Variants in DCC observed in about 807,000 individuals in gnomAD.
DCC encodes netrin receptor DCC.
Under a neutral mutation model 172.5 loss-of-function variants are expected in DCC, and 58 were observed. That is an observed-to-expected ratio of 0.34 (90% CI 0.27 to 0.42). The LOEUF (loss-of-function observed/expected upper bound fraction) is 0.42. Ranked by LOEUF, DCC falls within the 10% of genes least tolerant of loss-of-function variation. The pLI, the probability that DCC is intolerant of heterozygous loss-of-function variation, is 1.00. For synonymous variants in DCC, 709 were observed against 644.5 expected (o/e 1.10, Z -1.52); for missense variants, 1,740 against 1,791.0 (o/e 0.97, Z 0.51).
intron 2 of DCC, among the ~76,000 whole-genome samples, chr18:52,799,681 G>A (rs765277535): frequency 3.3e-5 from 5 of 152,026 alleles, no homozygotes; most frequent in Admixed American, 1.3e-4. Context: ...CAAATGGCTC[G>A]GTGTCCAAGT....
chr18:52,794,525 CTGAGT>C (rs2037835690), intron 2 of DCC, among the ~76,000 whole-genome samples: 1 of 151,854 alleles, frequency 6.6e-6, no homozygotes, highest in South Asian at 2.1e-4. Flanking sequence ...TTTATCAGTT[CTGAGT>C]TTTTTGGTGG....
At chr18:53,446,085 G>T (rs1912580112) in intron 22 of DCC, among the ~76,000 whole-genome samples, 1 of 75,744 alleles carries the variant, frequency 1.3e-5, no homozygotes, top group Non-Finnish European at 2.6e-5. Context: ...AACATAAGAA[G>T]ACCCTGTCTC....
chr18:53,309,087 G>C (rs1476947350), intron 13 of DCC, among the ~76,000 whole-genome samples: 1 of 151,982 alleles, frequency 6.6e-6, no homozygotes. Context: ...ACCCAGGCTG[G>C]AGTACCGTGG....
rs537062438 is a variant in DCC, at chr18:53,396,086, C to G, written c.2689-1222C>G. On this transcript the variant is annotated intron_variant, in intron 17 of 28. Transcript: ENST00000442544. ...AATATACAATTTTCATAACTATAAC[C>G]TAAGAAGGATTCGTAGTAGAATTAA... 2.0e-5 allele frequency among the ~76,000 whole-genome samples: 3 copies of G among 150,538 alleles called. No individual in the cohort carries two copies. The East Asian group carries it at 5.9e-4, about 30-fold the overall frequency.
In DCC at chr18:53,459,444, G is replaced by T. The variant is rs150938467; in HGVS notation, c.3605G>T (p.Ser1202Ile). 21 of 1,607,870 alleles carry T rather than the reference G, an allele frequency of 1.3e-5. No individual in the cohort carries two copies. Among genetic ancestry groups the T allele is most frequent in the African/African-American group, 1.1e-4 (8 of 74,762 alleles). ...SQSETQLGSKSTSHSGQDTEE... is the reference protein window; with the variant it reads ...SQSETQLGSKITSHSGQDTEE... Reference sequence around the variant, plus strand: ...TCAGAAACCCAACTGGGAAGCAAAAGCACCTCTCATTCAGGTAATTATCTT... The same window carrying T: ...TCAGAAACCCAACTGGGAAGCAAAATCACCTCTCATTCAGGTAATTATCTT... Residue 1202 changes from serine (S) to isoleucine (I), a missense_variant, in exon 24 of 29, where the codon AGC (serine) becomes ATC (isoleucine). This residue lies in a region of DCC where 1,732 missense variants were observed against 1,767.4 expected (regional missense o/e 0.98). Coordinates refer to ENST00000442544, the MANE Select transcript of DCC (RefSeq NM_005215.4).
chr18:53,116,397 G>C (rs1010292223), intron 7 of DCC, among the ~76,000 whole-genome samples: 1 of 151,690 alleles, frequency 6.6e-6, no homozygotes, highest in African/African-American at 2.4e-5. Context: ...TCATCTAGTT[G>C]GCCTGCGCCC....
At chr18:52,604,053 T>C (rs1269483525) in intron 1 of DCC, among the ~76,000 whole-genome samples, 1 of 152,056 alleles carries the variant, frequency 6.6e-6, no homozygotes, top group African/African-American at 2.4e-5. Flanking sequence ...AGGTGGCATC[T>C]AAGATGATAA....
intron 1 of DCC, among the ~76,000 whole-genome samples, chr18:52,594,455 A>G (rs1156649905): frequency 6.6e-6 from 1 of 152,106 alleles, no homozygotes; most frequent in Non-Finnish European, 1.5e-5. Flanking sequence ...TTGGCCTTAT[A>G]CTGCCTATTG....
intron 1 of DCC, among the ~76,000 whole-genome samples, chr18:52,444,447 T>C (rs573332840): frequency 5.3e-5 from 8 of 152,300 alleles, no homozygotes; most frequent in Admixed American, 2.0e-4. Context: ...GTAAAGCCAA[T>C]AAATGCCTGC....
intron 14 of DCC, among the ~76,000 whole-genome samples, chr18:53,327,244 C>T (rs2057477365): frequency 6.6e-6 from 1 of 152,028 alleles, no homozygotes. Flanking sequence ...CTGGAAAGCA[C>T]GTTGCTATTA....
At chr18:53,334,589 C>T (rs72925397) in intron 14 of DCC, among the ~76,000 whole-genome samples, 1 of 152,026 alleles carries the variant, frequency 6.6e-6, no homozygotes, top group African/African-American at 2.4e-5. Flanking sequence ...GCCAACCTCC[C>T]CAACCCCCAG....
At chr18:53,154,680 A>C (rs1229785974) in intron 7 of DCC, among the ~76,000 whole-genome samples, 2 of 152,144 alleles carry the variant, frequency 1.3e-5, no homozygotes, top group Non-Finnish European at 2.9e-5. Context: ...TGAGATGTTC[A>C]GGAGCGGGGA....
intron 21 of DCC, chr18:53,416,623 T>C (rs2145067927): frequency 4.9e-6 from 1 of 205,632 alleles, no homozygotes; most frequent in East Asian, 1.2e-4. Flanking sequence ...GGTCACCTTT[T>C]TTAGGGCATT....
intron 1 of DCC, among the ~76,000 whole-genome samples, chr18:52,685,161 C>T (rs2035810458): frequency 6.6e-6 from 1 of 152,074 alleles, no homozygotes; most frequent in African/African-American, 2.4e-5. Flanking sequence ...AAATAATAAA[C>T]TATGCAGGTA....
At chr18:53,094,745 A>G (rs911654125) in intron 7 of DCC, among the ~76,000 whole-genome samples, 1 of 152,224 alleles carries the variant, frequency 6.6e-6, no homozygotes, top group African/African-American at 2.4e-5. Flanking sequence ...TGATTGCATC[A>G]TGATTTATTA....
intron 9 of DCC, among the ~76,000 whole-genome samples, chr18:53,189,504 A>G (rs1453552998): frequency 6.6e-6 from 1 of 152,030 alleles, no homozygotes; most frequent in African/African-American, 2.4e-5. Context: ...TAGAAAATTA[A>G]AGTGTATGTC....
intron 1 of DCC, among the ~76,000 whole-genome samples, chr18:52,675,850 C>T (rs2035638276): frequency 6.6e-6 from 1 of 152,158 alleles, no homozygotes; most frequent in African/African-American, 2.4e-5. Context: ...GAGCATTTTA[C>T]TTTTTAACAT....
chr18:52,680,158 C>T (rs1014666298), intron 1 of DCC, among the ~76,000 whole-genome samples: 1 of 152,074 alleles, frequency 6.6e-6, no homozygotes, highest in Non-Finnish European at 1.5e-5. Context: ...TTACAGAAAG[C>T]AAGACAGCAT....
intron 10 of DCC, among the ~76,000 whole-genome samples, chr18:53,205,945 G>A (rs2055619355): frequency 2.0e-5 from 3 of 151,604 alleles, no homozygotes. Flanking sequence ...AAGTAAAAAG[G>A]TCTTTAGGGA....
Sources: gnomAD v4.1 joint callset for allele counts (sites outside exome capture counted in the v4.1 genomes callset) on GRCh38, gnomAD v4.1.1 for gene constraint, gnomAD v4.1.1 regional missense constraint, MANE v1.5 for transcripts, NCBI Gene and HGNC (gene_info 2026-07-23, HGNC 2026-07-21) for gene names.